The following DNAJC12 variants were observed in gnomAD, a reference collection of about 807,000 sequenced individuals.
DNAJC12 encodes the protein DnaJ heat shock protein family (Hsp40) member C12.
Under a neutral mutation model 28.5 loss-of-function variants are expected in DNAJC12, and 25 were observed. The ratio of observed to expected loss-of-function variants is 0.88; its 90% CI spans 0.64 to 1.22. The LOEUF is 1.22. DNAJC12 is among the 50% of genes most tolerant of loss of function. The pLI, the probability that DNAJC12 is intolerant of heterozygous loss-of-function variation, is 0.00. For missense variants in DNAJC12, 222 were observed against 231.7 expected, an observed-to-expected ratio of 0.96 and a Z score of 0.27; for synonymous variants, 77 against 80.6, an observed-to-expected ratio of 0.95 and a Z score of 0.24.
chr10:67,827,787 T>C (rs1842052170), intron 1 of DNAJC12: 1 of 152,200 alleles, frequency 6.6e-6, no homozygotes, highest in African/African-American at 2.4e-5. Flanking sequence ...ATTTTCTTCT[T>C]TATATTTTCT....
chr10:67,816,543 C>CTTT (rs367769639), intron 2 of DNAJC12, among the ~76,000 whole-genome samples: 2 of 88,236 alleles, frequency 2.3e-5, no homozygotes, highest in African/African-American at 3.4e-5. Context: ...AGTTTACTTT[C>CTTT]TTTTTTTTTT....
intron 2 of DNAJC12, chr10:67,815,986 T>C (rs971440122): frequency 2.5e-6 from 1 of 397,896 alleles, no homozygotes; most frequent in Non-Finnish European, 4.4e-6. Context: ...TGGGTTTATA[T>C]TTTTCCATTA....
Position 67,818,817 on chromosome 10 carries a change from G to A in DNAJC12, c.157+4497C>T, listed in dbSNP as rs187671913. Among the ~76,000 whole-genome samples the A allele has an allele frequency of 4.4e-4, 67 of 151,954 alleles. 1 individual carries two copies. Among genetic ancestry groups the A allele is most frequent in the Non-Finnish European group, 7.6e-4 (52 of 67,988 alleles). On this transcript the variant is annotated intron_variant, in intron 2 of 4. Coordinates refer to ENST00000225171, the MANE Select transcript of DNAJC12 (RefSeq NM_021800.3). ...ATTACAGGCATGTGCCACCACGCCC[G>A]GCTAATTTTGTATTTTTAGTAAAGA...
chr10:67,834,294 T>C (rs188496863), intron 1 of DNAJC12, among the ~76,000 whole-genome samples: 126 of 152,180 alleles, frequency 8.3e-4, no homozygotes, highest in African/African-American at 2.9e-3. Flanking sequence ...TTTCTGTAAG[T>C]CAAAAATTAT....
rs578047042 is a variant in DNAJC12, at chr10:67,819,062, G to A, written c.157+4252C>T. On this transcript the variant is annotated intron_variant, in intron 2 of 4. Transcript: ENST00000225171. The stretch of plus-strand genomic sequence containing the variant: ...AATGTTTGGGCCAGGGGTCGGGAGC[G>A]GTGGCTCACGCCTGTAATCCCAGGA... 4.7e-4 allele frequency among the ~76,000 whole-genome samples: 71 copies of A among 152,306 alleles called. No individual in the cohort carries two copies. The South Asian group carries it at 0.013, about 28-fold the overall frequency.
intron 1 of DNAJC12, among the ~76,000 whole-genome samples, chr10:67,832,379 C>T (rs1408143899): frequency 6.6e-6 from 1 of 151,664 alleles, no homozygotes; most frequent in Non-Finnish European, 1.5e-5. Flanking sequence ...CACAAAATTC[C>T]AGATATTAGC....
At chr10:67,805,036 A>G (rs893492696) in intron 4 of DNAJC12, among the ~76,000 whole-genome samples, 2 of 152,176 alleles carry the variant, frequency 1.3e-5, no homozygotes, top group Admixed American at 6.5e-5. Flanking sequence ...CATCTCAAAA[A>G]AGAAAAAAAA....
At chr10:67,831,143 G>A (rs186913457) in intron 1 of DNAJC12, among the ~76,000 whole-genome samples, 8 of 152,236 alleles carry the variant, frequency 5.3e-5, no homozygotes, top group Admixed American at 1.3e-4. Context: ...AGCTGAGATC[G>A]CACCATTGCA....
intron 2 of DNAJC12, among the ~76,000 whole-genome samples, chr10:67,820,557 A>G (rs968100178): frequency 1.3e-5 from 2 of 152,176 alleles, no homozygotes; most frequent in African/African-American, 4.8e-5. Context: ...GCACAAATTT[A>G]TCAAGCTCAC....
intron 1 of DNAJC12, among the ~76,000 whole-genome samples, chr10:67,829,868 T>C (rs1352412777): frequency 6.6e-6 from 1 of 152,088 alleles, no homozygotes; most frequent in Non-Finnish European, 1.5e-5. Flanking sequence ...AAAATTTAAA[T>C]ATTTCTATGA....
intron 2 of DNAJC12, among the ~76,000 whole-genome samples, chr10:67,813,631 G>A (rs1413854454): frequency 8.6e-5 from 13 of 151,236 alleles, no homozygotes; most frequent in East Asian, 2.0e-4. Context: ...GGTGGCAGGC[G>A]CCTGTAATCC....
intron 3 of DNAJC12, chr10:67,808,454 A>G (rs574753517): frequency 6.6e-6 from 1 of 152,200 alleles, no homozygotes; most frequent in East Asian, 1.9e-4. Context: ...TTTTTTCTCT[A>G]GGAAGTCATT....
At chr10:67,820,779 T>C (rs1182514849) in intron 2 of DNAJC12, among the ~76,000 whole-genome samples, 1 of 13,278 alleles carries the variant, frequency 7.5e-5, no homozygotes, top group South Asian at 1.7e-3. Context: ...CTTTTTTCCT[T>C]TTTTTTTTTT....
chr10:67,798,693 A>C (rs1331199959), intron 4 of DNAJC12, among the ~76,000 whole-genome samples: 6 of 151,914 alleles, frequency 3.9e-5, no homozygotes, highest in African/African-American at 1.5e-4. Context: ...AAACAAACAG[A>C]TAAGAAAAGG....
At chr10:67,836,137 G>A (rs947875970) in intron 1 of DNAJC12, among the ~76,000 whole-genome samples, 2 of 151,856 alleles carry the variant, frequency 1.3e-5, no homozygotes, top group Non-Finnish European at 2.9e-5. Flanking sequence ...TCATAAGTGG[G>A]AGATGAACAA....
At chr10:67,831,621 T>G (rs1842094271) in intron 1 of DNAJC12, among the ~76,000 whole-genome samples, 1 of 152,208 alleles carries the variant, frequency 6.6e-6, no homozygotes, top group Non-Finnish European at 1.5e-5. Flanking sequence ...ATTCAGATAT[T>G]CTTTCTTTAA....
rs541816528 is a variant in DNAJC12 at position 67,797,902 on chromosome 10, T to C, written c.503-692A>G. The stretch of plus-strand genomic sequence containing the variant: ...AAAAATACAAAAAATTAGCCGGGCG[T>C]GGTGGCGGGCGCCTGTACTCCCAGC... On this transcript the variant is annotated intron_variant, in intron 4 of 4. Coordinates refer to ENST00000225171, the MANE Select transcript of DNAJC12 (RefSeq NM_021800.3). 1.3e-4 allele frequency among the ~76,000 whole-genome samples: 19 copies of C among 151,832 alleles called. No individual in the cohort carries two copies. The East Asian group carries it at 1.6e-3, about 12-fold the overall frequency.
At chr10:67,813,023 A>G (rs1218205399) in intron 2 of DNAJC12, among the ~76,000 whole-genome samples, 1 of 152,076 alleles carries the variant, frequency 6.6e-6, no homozygotes, top group African/African-American at 2.4e-5. Flanking sequence ...CTCCATCTCA[A>G]AACAAACAAA....
chr10:67,835,248 G>C (rs375463880), intron 1 of DNAJC12, among the ~76,000 whole-genome samples: 1 of 152,040 alleles, frequency 6.6e-6, no homozygotes, highest in Non-Finnish European at 1.5e-5. Flanking sequence ...AAATGCTTTC[G>C]GGCATGATGA....
Sources: allele counts gnomAD v4.1 joint callset (sites outside exome capture counted in the v4.1 genomes callset), GRCh38; gene constraint gnomAD v4.1.1; transcripts MANE v1.5; gene names NCBI Gene and HGNC (gene_info 2026-07-23, HGNC 2026-07-21).